OGDH: variants seen among roughly 807,000 people sequenced by gnomAD.
OGDH encodes 2-oxoglutarate dehydrogenase complex component E1.
Under a neutral mutation model 116.6 loss-of-function variants are expected in OGDH, and 38 were observed. The observed-to-expected ratio is 0.33, with a 90% confidence interval of 0.25 to 0.43. OGDH has a LOEUF of 0.43. OGDH is among the 20% of genes least tolerant of loss of function. The probability of loss-of-function intolerance (pLI) is 1.00; values close to 1 mark genes in which losing one functional copy is unlikely to be tolerated. For missense variants in OGDH, 825 were observed against 1,357.2 expected, an observed-to-expected ratio of 0.61 and a Z score of 6.16; for synonymous variants, 488 against 533.3, an observed-to-expected ratio of 0.92 and a Z score of 1.17.
At position 44,702,861 on chromosome 7, in the gene OGDH, G is replaced by A. The variant is rs1322713462; in HGVS notation, c.2632+1246G>A. On this transcript the variant is annotated intron_variant, in intron 20 of 22. Transcript: ENST00000222673. ...TCCACCCATCTTGGCCTCCTAAAGT[G>A]CTGGGATTACAGGCATGAGCCACCA... is the stretch of plus-strand genomic sequence containing the variant. Among the ~76,000 whole-genome samples the A allele has an allele frequency of 3.9e-5, 6 of 152,286 alleles. No individual in the cohort carries two copies. In the East Asian group the frequency reaches 1.2e-3, roughly 29 times the overall value.
chr7:44,607,436 A>G (rs1784396867), intron 1 of OGDH, among the ~76,000 whole-genome samples: 3 of 152,244 alleles, frequency 2.0e-5, no homozygotes, highest in South Asian at 4.1e-4. Context: ...TTTGCCCAGA[A>G]CATAGGACTT....
At chr7:44,625,200 CT>C (rs1207776211) in intron 2 of OGDH, among the ~76,000 whole-genome samples, 1 of 152,172 alleles carries the variant, frequency 6.6e-6, no homozygotes, top group African/African-American at 2.4e-5. Flanking sequence ...TCTCGGCTTG[CT>C]GCAACCTCCG....
At chr7:44,616,728 CAT>C (rs202216296) in intron 1 of OGDH, among the ~76,000 whole-genome samples, 1,490 of 135,914 alleles carry the variant, frequency 0.011, 26 homozygotes, top group African/African-American at 0.043. Context: ...TATATATACA[CAT>C]ATATACGTAT....
chr7:44,645,896 C>G (rs1375959960), intron 3 of OGDH, among the ~76,000 whole-genome samples: 1 of 152,102 alleles, frequency 6.6e-6, no homozygotes, highest in Non-Finnish European at 1.5e-5. Context: ...GTTGATGCCC[C>G]CTTCTCAGTT....
chr7:44,691,564 C>T (rs1191651778), intron 10 of OGDH, among the ~76,000 whole-genome samples: 1 of 149,864 alleles, frequency 6.7e-6, no homozygotes, highest in Non-Finnish European at 1.5e-5. Context: ...TTTGTCAAAA[C>T]CATATTTGCG....
At chr7:44,672,831 C>T (rs561935186) in intron 5 of OGDH, among the ~76,000 whole-genome samples, 305 of 151,984 alleles carry the variant, frequency 2.0e-3, no homozygotes, top group African/African-American at 7.0e-3. Flanking sequence ...TTAGTAGAGA[C>T]GGGGTTTCAC....
intron 13 of OGDH, 113 bp downstream of exon 13, chr7:44,696,240 G>C: frequency 9.8e-7 from 1 of 1,018,036 alleles, no homozygotes. Context: ...ATGCACAGTT[G>C]TATGCACCAT....
intron 5 of OGDH, among the ~76,000 whole-genome samples, chr7:44,668,667 TGAAC>T (rs1787292681): frequency 6.6e-6 from 1 of 152,160 alleles, no homozygotes; most frequent in South Asian, 2.1e-4. Context: ...CCAAGAAGAA[TGAAC>T]CTTTGGGTCC....
chr7:44,685,391 A>G (rs900889452), intron 10 of OGDH, among the ~76,000 whole-genome samples: 1 of 152,170 alleles, frequency 6.6e-6, no homozygotes, highest in African/African-American at 2.4e-5. Flanking sequence ...TGCCTGGGCT[A>G]TTTCACTTAG....
chr7:44,674,522 T>A lies in OGDH; in HGVS notation c.900T>A (p.Asn300Lys). 1 of 1,614,138 alleles carries A rather than the reference T, an allele frequency of 6.2e-7. No homozygotes were observed. Among genetic ancestry groups the A allele is most frequent in the Non-Finnish European group, 8.5e-7 (1 of 1,180,012 alleles). The change falls in exon 7 of 23, where the codon AAT becomes AAA. Residue 300 changes from asparagine (N) to lysine (K), a missense_variant. By Grantham distance (94) the Asn-to-Lys change is moderately conservative. Transcript: ENST00000222673. The part of the protein sequence containing the change: ...LKTIIDKSSE[N>K]GVDYVIMGMP... ...CCATCATTGACAAGTCTAGTGAGAATGGCGTGGACTACGTGATCATGGGCA... is the reference window on the plus strand; with the variant it reads ...CCATCATTGACAAGTCTAGTGAGAAAGGCGTGGACTACGTGATCATGGGCA...
At chr7:44,686,957 G>GA (rs1788155804) in intron 10 of OGDH, among the ~76,000 whole-genome samples, 1 of 151,662 alleles carries the variant, frequency 6.6e-6, no homozygotes, top group Non-Finnish European at 1.5e-5. Flanking sequence ...AAAGTGCTGG[G>GA]ATTACAGGCA....
In OGDH at chr7:44,647,677, A is replaced by C. The variant is rs1284702848; in HGVS notation, c.435A>C (p.Ala145=). The change falls in exon 4 of 23, where the codon GCA becomes GCC. Residue 145 remains alanine, a synonymous_variant. Coordinates refer to ENST00000222673, the MANE Select transcript of OGDH (RefSeq NM_002541.4). ...RAYQIRGHHV[A]QLDPLGILDA... ...CATAGATACGAGGGCACCATGTAGCACAGCTGGACCCCCTGGGGATTTTGG... is the reference window on the plus strand; with the variant it reads ...CATAGATACGAGGGCACCATGTAGCCCAGCTGGACCCCCTGGGGATTTTGG... The C allele has an allele frequency of 6.2e-7, 1 of 1,613,346 alleles. No individual in the cohort carries two copies. Among genetic ancestry groups the C allele is most frequent in the East Asian group, 2.2e-5 (1 of 44,852 alleles).
intron 4 of OGDH, among the ~76,000 whole-genome samples, chr7:44,660,176 G>A (rs1234082760): frequency 6.6e-6 from 1 of 152,146 alleles, no homozygotes; most frequent in Non-Finnish European, 1.5e-5. Flanking sequence ...TCAGGCTATA[G>A]TGCAGTGGCA....
At chr7:44,683,103 C>T (rs768806017) in intron 10 of OGDH, among the ~76,000 whole-genome samples, 3 of 151,674 alleles carry the variant, frequency 2.0e-5, no homozygotes, top group Non-Finnish European at 4.4e-5. Context: ...GAGCTGAGAT[C>T]ACGCCACTGC....
At chr7:44,639,943 G>A (rs147080468) in intron 2 of OGDH, among the ~76,000 whole-genome samples, 146 of 152,322 alleles carry the variant, frequency 9.6e-4, no homozygotes, top group Admixed American at 2.1e-3. Flanking sequence ...CTGAATTTCC[G>A]TCTGTGCAGT....
intron 10 of OGDH, among the ~76,000 whole-genome samples, chr7:44,688,240 T>C (rs948173804): frequency 2.6e-5 from 4 of 151,620 alleles, no homozygotes; most frequent in African/African-American, 4.8e-5. Context: ...GCGTGGTGGC[T>C]CGTGCCTGTA....
At chr7:44,677,940 A>G (rs1321516842) in intron 9 of OGDH, among the ~76,000 whole-genome samples, 2 of 152,022 alleles carry the variant, frequency 1.3e-5, no homozygotes, top group African/African-American at 2.4e-5. Context: ...AATTTTAAAT[A>G]CTGTAAATCT....
chr7:44,629,655 C>A (rs1294367413), intron 2 of OGDH, among the ~76,000 whole-genome samples: 17 of 145,658 alleles, frequency 1.2e-4, no homozygotes, highest in African/African-American at 3.6e-4. Context: ...TCTCGGCTCT[C>A]TGCAACTTCC....
chr7:44,663,441 C>T (rs1404501992), intron 4 of OGDH, among the ~76,000 whole-genome samples: 2 of 152,084 alleles, frequency 1.3e-5, no homozygotes, highest in Non-Finnish European at 2.9e-5. Flanking sequence ...GAGACCAGCC[C>T]GGCCAACGTG....
Sources: gnomAD v4.1 joint callset for allele counts (sites outside exome capture counted in the v4.1 genomes callset) on GRCh38, gnomAD v4.1.1 for gene constraint, MANE v1.5 for transcripts, NCBI Gene and HGNC (gene_info 2026-07-23, HGNC 2026-07-21) for gene names.